The following SEMA3A variants were observed in gnomAD, a reference collection of about 807,000 sequenced individuals.
SEMA3A encodes semaphorin 3A.
SEMA3A carries 29 observed loss-of-function variants against 97.9 expected under a neutral mutation model. The ratio of observed to expected loss-of-function variants is 0.30; its 90% CI spans 0.22 to 0.40. The LOEUF (loss-of-function observed/expected upper bound fraction) is 0.40. Ranked by LOEUF, SEMA3A falls within the 10% of genes least tolerant of loss-of-function variation. SEMA3A has a pLI of 1.00. For missense variants in SEMA3A, 763 were observed against 951.3 expected (o/e 0.80, Z 2.60); for synonymous variants, 321 against 323.7 (o/e 0.99, Z 0.09).
At chr7:84,387,789 C>T (rs1371903679) in intron 1 of SEMA3A, among the ~76,000 whole-genome samples, 1 of 152,150 alleles carries the variant, frequency 6.6e-6, no homozygotes. Flanking sequence ...TATTAAAACT[C>T]TACATTTGTT....
In SEMA3A at chr7:84,474,672, T is replaced by G. The variant is rs1806234055; in HGVS notation, c.-246+17788A>C. ...TTTATAGAGTGCTTCCTCTGCAGAGTGTGAGGCACATCATAAACTGTTAAT... is the reference window on the plus strand; with the variant it reads ...TTTATAGAGTGCTTCCTCTGCAGAGGGTGAGGCACATCATAAACTGTTAAT... On this transcript the variant is annotated intron_variant, in intron 1 of 3. Transcript: ENST00000424555. 2.6e-5 allele frequency among the ~76,000 whole-genome samples: 4 copies of G among 152,036 alleles called. No individual in the cohort carries two copies. In the South Asian group the frequency reaches 8.3e-4, roughly 32 times the overall value.
At chr7:84,053,885 G>A (rs2115641724) in intron 5 of SEMA3A, among the ~76,000 whole-genome samples, 1 of 128,626 alleles carries the variant, frequency 7.8e-6, no homozygotes, top group East Asian at 2.6e-4. Flanking sequence ...GCTTCCTTCA[G>A]GAGCTCTTTT....
intron 1 of SEMA3A, among the ~76,000 whole-genome samples, chr7:84,477,788 TA>T (rs1806334784): frequency 6.6e-6 from 1 of 152,206 alleles, no homozygotes; most frequent in African/African-American, 2.4e-5. Context: ...GACTGCATGG[TA>T]AAAATGTTCA....
intron 12 of SEMA3A, among the ~76,000 whole-genome samples, chr7:83,995,369 G>A (rs942833306): frequency 6.6e-6 from 1 of 152,110 alleles, no homozygotes; most frequent in African/African-American, 2.4e-5. Context: ...ATATATGAAT[G>A]GTGAAACATA....
exon 1 of SEMA3A, chr7:84,492,499 G>A (rs924966930): frequency 6.6e-6 from 1 of 152,010 alleles, no homozygotes; most frequent in Admixed American, 6.6e-5. Flanking sequence ...AAGTCAAAGG[G>A]CTGTTCTGTT....
In SEMA3A at chr7:84,376,373, C is replaced by T. The variant is rs528120354; in HGVS notation, c.-245-4473G>A. The stretch of plus-strand genomic sequence containing the variant: ...ATCCCAGCACTTTGGGAGGCCAAGG[C>T]GGGCGGATCACGAGGTCAGGAGATC... On this transcript the variant is annotated intron_variant, in intron 1 of 3. Coordinates refer to the SEMA3A transcript ENST00000424555. Among the ~76,000 whole-genome samples, 74 of 115,448 alleles carry T rather than the reference C, an allele frequency of 6.4e-4. 8 individuals carry two copies. In the South Asian group the frequency reaches 7.1e-3, roughly 11 times the overall value. The allele number at this position is 115,448 out of a possible 152,430, so 75.7% of individuals were successfully genotyped here. A position where few individuals can be genotyped will look rare whatever the true frequency, so the allele number is the denominator to read the frequency against.
chr7:84,055,371 G>T (rs1259883707), intron 5 of SEMA3A, among the ~76,000 whole-genome samples: 1 of 152,176 alleles, frequency 6.6e-6, no homozygotes, highest in Non-Finnish European at 1.5e-5. Flanking sequence ...GTGGGCGTAG[G>T]ACCCTCCCAG....
chr7:83,981,948 G>A (rs776432424), intron 13 of SEMA3A, among the ~76,000 whole-genome samples: 3 of 151,620 alleles, frequency 2.0e-5, no homozygotes, highest in Non-Finnish European at 2.9e-5. Context: ...ATGGGAAGGG[G>A]CAAAATTTTG....
At position 84,443,246 on chromosome 7, in the gene SEMA3A, A is replaced by T. The variant is rs534984557; in HGVS notation, c.-246+49214T>A. On this transcript the variant is annotated intron_variant, in intron 1 of 3. Coordinates refer to the SEMA3A transcript ENST00000424555. ...TAGGCAACAAATTACACCTCAGAAT[A>T]TTTTAAAAGATAGATCACACAAAGT... is the stretch of plus-strand genomic sequence containing the variant. Among the ~76,000 whole-genome samples the T allele has an allele frequency of 2.0e-5, 3 of 152,324 alleles. No homozygotes were observed. In the East Asian group the frequency reaches 5.8e-4, roughly 29 times the overall value.
At chr7:84,208,228 A>G (rs576616052) in intron 3 of SEMA3A, among the ~76,000 whole-genome samples, 12 of 152,100 alleles carry the variant, frequency 7.9e-5, no homozygotes, top group African/African-American at 1.7e-4. Context: ...CAAGGGGGGC[A>G]GATCGTGAGG....
intron 1 of SEMA3A, among the ~76,000 whole-genome samples, chr7:84,413,217 T>C (rs750913440): frequency 3.3e-5 from 5 of 152,192 alleles, no homozygotes; most frequent in African/African-American, 7.2e-5. Flanking sequence ...ATAATGGTTC[T>C]ATTGCCATAG....
chr7:84,487,789 G>GT (rs1258281133), intron 1 of SEMA3A, among the ~76,000 whole-genome samples: 1 of 151,662 alleles, frequency 6.6e-6, no homozygotes, highest in Non-Finnish European at 1.5e-5. Flanking sequence ...TTTAAAAATC[G>GT]TTTTTTTCTC....
At position 84,124,790 on chromosome 7, in the gene SEMA3A, A is replaced by G. The variant is rs186744405; in HGVS notation, c.333+4333T>C. On this transcript the variant is annotated intron_variant, in intron 3 of 16. Coordinates refer to ENST00000265362, the MANE Select transcript of SEMA3A (RefSeq NM_006080.3). ...AGAAATGCAAAAATTGCATCTGTAA[A>G]TTAAAATCCAAAAATAACCAATGAA... is the stretch of plus-strand genomic sequence containing the variant. Among the ~76,000 whole-genome samples, 76 of 152,258 alleles carry G rather than the reference A, an allele frequency of 5.0e-4. No individual in the cohort carries two copies. In the Middle Eastern group the frequency reaches 0.01, roughly 20 times the overall value.
At chr7:84,051,167 G>C (rs1406750206) in intron 5 of SEMA3A, among the ~76,000 whole-genome samples, 2 of 147,978 alleles carry the variant, frequency 1.4e-5, no homozygotes, top group Admixed American at 6.8e-5. Flanking sequence ...TTGTTCTTTT[G>C]GCTTAGGATT....
chr7:84,035,392 T>C (rs984549101), intron 6 of SEMA3A, among the ~76,000 whole-genome samples: 3 of 152,066 alleles, frequency 2.0e-5, no homozygotes, highest in African/African-American at 7.2e-5. Context: ...AAAAATTCTC[T>C]AGCAAATAAC....
chr7:84,050,370 G>A (rs1436435259), intron 5 of SEMA3A, among the ~76,000 whole-genome samples: 2 of 152,104 alleles, frequency 1.3e-5, no homozygotes, highest in Non-Finnish European at 2.9e-5. Context: ...TCCAGCACCT[G>A]TTGTTTCCTG....
chr7:84,263,488 T>C (rs904708724), intron 3 of SEMA3A, among the ~76,000 whole-genome samples: 2 of 152,232 alleles, frequency 1.3e-5, no homozygotes, highest in African/African-American at 4.8e-5. Flanking sequence ...ACACTGTATA[T>C]AACTCTGTGT....
rs10282146 is a variant in SEMA3A at position 83,963,577 on chromosome 7, C to G, written c.1718-230G>C. On this transcript the variant is annotated intron_variant, in intron 15 of 16. Transcript: ENST00000265362. ...ATATAAAACATAGACGGAGATTTGT[C>G]TACCAGAAAATGGCATTACATTTAC... 0.26 allele frequency among the ~76,000 whole-genome samples: 40,108 copies of G among 152,006 alleles called. 5,513 individuals carry two copies. The highest frequency in any genetic ancestry group is 0.37 in the Middle Eastern group (109 of 294).
At chr7:84,259,817 A>T (rs1399513852) in intron 3 of SEMA3A, among the ~76,000 whole-genome samples, 1 of 151,050 alleles carries the variant, frequency 6.6e-6, no homozygotes, top group African/African-American at 2.4e-5. Flanking sequence ...ACACGCACAA[A>T]AAAAAAAAAA....
Sources: gnomAD v4.1 joint callset for allele counts (sites outside exome capture counted in the v4.1 genomes callset) on GRCh38, gnomAD v4.1.1 for gene constraint, MANE v1.5 for transcripts, NCBI Gene and HGNC (gene_info 2026-07-23, HGNC 2026-07-21) for gene names.